Variants in TENM1 observed in about 807,000 individuals in gnomAD.
The protein encoded by TENM1 is teneurin transmembrane protein 1.
Under a neutral mutation model 174.8 loss-of-function variants are expected in TENM1, and 35 were observed. The observed-to-expected ratio is 0.20, with a 90% CI of 0.15 to 0.27. The LOEUF (loss-of-function observed/expected upper bound fraction) is 0.27, where lower values mean the gene tolerates loss of function less well. TENM1 is among the 10% of genes least tolerant of loss of function. The pLI is 1.00. For synonymous variants in TENM1, 781 were observed against 798.7 expected (o/e 0.98, Z 0.37); for missense variants, 1,633 against 2,130.1 (o/e 0.77, Z 4.59).
chrX:124,731,291 C>G (rs774352983), intron 4 of TENM1, among the ~76,000 whole-genome samples: 3 of 112,059 alleles, frequency 2.7e-5, no homozygotes, highest in African/African-American at 9.7e-5. Flanking sequence ...TTCTCAACTA[C>G]TGTACTAGTT....
chrX:124,720,801 A>T (rs1455636033), intron 4 of TENM1, among the ~76,000 whole-genome samples: 3 of 112,294 alleles, frequency 2.7e-5, no homozygotes, highest in Non-Finnish European at 5.6e-5. Flanking sequence ...TGCCATCATC[A>T]CTACCCTTTG....
At chrX:124,431,303 C>G (rs767381177) in intron 23 of TENM1, among the ~76,000 whole-genome samples, 154 of 112,459 alleles carry the variant, frequency 1.4e-3, no homozygotes, top group African/African-American at 4.7e-3. Flanking sequence ...CATGACACTT[C>G]TAATCTCCCT....
chrX:124,890,992 G>T (rs1340081350), intron 3 of TENM1, among the ~76,000 whole-genome samples: 3 of 111,658 alleles, frequency 2.7e-5, no homozygotes, highest in Non-Finnish European at 5.6e-5. Context: ...CTTGTCATTT[G>T]CAACAACATG....
At chrX:124,485,243 T>A (rs1161433336) in intron 21 of TENM1, among the ~76,000 whole-genome samples, 1 of 111,027 alleles carries the variant, frequency 9.0e-6, no homozygotes, top group Admixed American at 9.6e-5. Flanking sequence ...CTTACCTTCA[T>A]CAAGTAAGAG....
At chrX:125,107,548 C>G in the TENM1 span, among the ~76,000 whole-genome samples, 2 of 112,124 alleles carry the variant, frequency 1.8e-5, no homozygotes, top group South Asian at 7.5e-4. Context: ...ATGTATAGCT[C>G]TCACCCCAGC....
chrX:124,910,522 C>T (rs2057819408), intron 1 of TENM1, among the ~76,000 whole-genome samples: 1 of 111,908 alleles, frequency 8.9e-6, no homozygotes, highest in East Asian at 2.8e-4. Context: ...CAAATCATCA[C>T]CTTGGGGGGA....
intron 18 of TENM1, among the ~76,000 whole-genome samples, chrX:124,517,472 C>T (rs1232825107): frequency 9.1e-6 from 1 of 109,320 alleles, no homozygotes; most frequent in Non-Finnish European, 1.9e-5. Context: ...CCATGGAATA[C>T]TATGCAGCCA....
the TENM1 span, among the ~76,000 whole-genome samples, chrX:125,090,416 C>T: frequency 2.1e-4 from 23 of 109,471 alleles, no homozygotes; most frequent in African/African-American, 7.7e-4. Flanking sequence ...GAGGCTGAGA[C>T]ACGTGCATCG....
the TENM1 span, among the ~76,000 whole-genome samples, chrX:124,970,670 G>A: frequency 5.3e-4 from 59 of 111,606 alleles, no homozygotes; most frequent in African/African-American, 4.9e-4. Flanking sequence ...AAATAGGAAC[G>A]CTTTTACACT....
chrX:124,478,736 A>C (rs1333361219), intron 22 of TENM1, among the ~76,000 whole-genome samples: 1 of 111,896 alleles, frequency 8.9e-6, no homozygotes, highest in Non-Finnish European at 1.9e-5. Flanking sequence ...GGAAAAATCA[A>C]ACCTCTCCTT....
At chrX:124,680,739 C>G (rs2052214877) in intron 5 of TENM1, among the ~76,000 whole-genome samples, 2 of 111,401 alleles carry the variant, frequency 1.8e-5, no homozygotes, top group Admixed American at 1.9e-4. Context: ...TTTAATTCTT[C>G]TTTAAAATTT....
At chrX:124,551,832 C>A (rs368878679) in intron 14 of TENM1, among the ~76,000 whole-genome samples, 1 of 111,834 alleles carries the variant, frequency 8.9e-6, no homozygotes, top group African/African-American at 3.3e-5. Flanking sequence ...ATACAGACTG[C>A]AAAGAATCTA....
the TENM1 span, among the ~76,000 whole-genome samples, chrX:124,975,828 A>G: frequency 1.8e-5 from 2 of 112,123 alleles, no homozygotes; most frequent in African/African-American, 6.5e-5. Flanking sequence ...TGGGCAAATG[A>G]TAACTATGCC....
the TENM1 span, among the ~76,000 whole-genome samples, chrX:125,042,161 T>A: frequency 9.0e-6 from 1 of 111,378 alleles, no homozygotes; most frequent in Admixed American, 9.6e-5. Flanking sequence ...GCTTGAAAGT[T>A]GAGGTTGTTC....
chrX:124,590,167 A>G (rs5958539), intron 11 of TENM1, among the ~76,000 whole-genome samples: 5,465 of 111,627 alleles, frequency 0.049, 169 homozygotes, highest in African/African-American at 0.11. Context: ...TTCATTGTTT[A>G]CACAAAAGTC....
At chrX:124,650,538 T>C (rs2051279454) in intron 8 of TENM1, among the ~76,000 whole-genome samples, 1 of 111,639 alleles carries the variant, frequency 9.0e-6, no homozygotes, top group Admixed American at 9.6e-5. Context: ...GGAAGGTTAA[T>C]AGATCGGTTA....
At chrX:124,791,962 A>G (rs1189939445) in intron 3 of TENM1, among the ~76,000 whole-genome samples, 2 of 111,070 alleles carry the variant, frequency 1.8e-5, no homozygotes, top group African/African-American at 3.3e-5. Context: ...TAACCTTCCT[A>G]TGAAGGATGG....
rs753285672 is a variant in TENM1 at position 124,585,394 on chromosome X, G to A, written c.2078-19834C>T. 8.1e-5 allele frequency among the ~76,000 whole-genome samples: 9 copies of A among 110,843 alleles called. No individual in the cohort carries two copies. In the East Asian group the frequency reaches 2.0e-3, roughly 24 times the overall value. ...AGGATTAAGAAACTCACTCAAAACC[G>A]CTCAACTACATGGAAACTGAACAAC... On this transcript the variant is annotated intron_variant, in intron 11 of 31. Transcript: ENST00000422452.
At chrX:124,721,460 T>G in intron 4 of TENM1, among the ~76,000 whole-genome samples, 1 of 112,163 alleles carries the variant, frequency 8.9e-6, no homozygotes, top group Non-Finnish European at 1.9e-5. Flanking sequence ...CTATTTAACC[T>G]TAAGCTAACC....
Sources: gnomAD v4.1 joint callset for allele counts (sites outside exome capture counted in the v4.1 genomes callset) on GRCh38, gnomAD v4.1.1 for gene constraint, MANE v1.5 for transcripts, NCBI Gene and HGNC (gene_info 2026-07-23, HGNC 2026-07-21) for gene names.